Variants in TRPC5 observed in about 807,000 individuals in gnomAD.
TRPC5 encodes the protein short transient receptor potential channel 5.
Under a neutral mutation model 56.5 loss-of-function variants are expected in TRPC5, and 9 were observed. The observed-to-expected ratio is 0.16, with a 90% CI of 0.10 to 0.28. TRPC5 has a LOEUF of 0.28. TRPC5 is among the 10% of genes least tolerant of loss of function. TRPC5 has a pLI of 1.00. For synonymous variants in TRPC5, 282 were observed against 278.5 expected (o/e 1.01, Z -0.13); for missense variants, 469 against 748.9 (o/e 0.63, Z 4.36).
intron 1 of TRPC5, among the ~76,000 whole-genome samples, chrX:112,037,999 A>G (rs1380798392): frequency 8.9e-6 from 1 of 111,796 alleles, no homozygotes. Flanking sequence ...TATGCAATTA[A>G]AAATAAAGAT....
At chrX:111,795,775 G>T (rs1326240124) in intron 7 of TRPC5, among the ~76,000 whole-genome samples, 8 of 111,512 alleles carry the variant, frequency 7.2e-5, no homozygotes, top group African/African-American at 2.0e-4. Context: ...GTAAGATTTT[G>T]TCCATTATTT....
chrX:111,869,761 G>T (rs1488826382), intron 3 of TRPC5, among the ~76,000 whole-genome samples: 1 of 111,470 alleles, frequency 9.0e-6, no homozygotes, highest in Non-Finnish European at 1.9e-5. Context: ...CCATGAGATG[G>T]CAGCAGAGGG....
At chrX:111,791,019 CAAAAAAAAAAAAAAAAAAAA>C (rs753897017) in intron 7 of TRPC5, among the ~76,000 whole-genome samples, 3 of 9,293 alleles carry the variant, frequency 3.2e-4, no homozygotes, top group Non-Finnish European at 6.6e-4. Flanking sequence ...GACTCCATCT[CAAAAAAAAAAAAAAAAAAAA>C]AAAAAAAAAA....
intron 7 of TRPC5, among the ~76,000 whole-genome samples, chrX:111,806,486 A>G (rs911433416): frequency 1.8e-5 from 2 of 112,112 alleles, no homozygotes; most frequent in African/African-American, 6.5e-5. Context: ...GGCCTCCCTC[A>G]GTTCCTTGCC....
chrX:112,068,864 T>G (rs1454214743), intron 1 of TRPC5, among the ~76,000 whole-genome samples: 1 of 112,049 alleles, frequency 8.9e-6, no homozygotes, highest in African/African-American at 3.2e-5. Context: ...GGGAAATGAA[T>G]ACTATAGTAT....
At chrX:111,966,078 C>T (rs1191047834) in intron 1 of TRPC5, among the ~76,000 whole-genome samples, 10 of 111,290 alleles carry the variant, frequency 9.0e-5, no homozygotes, top group Admixed American at 2.9e-4. Context: ...TGATAGACTG[C>T]TAGCAAGACT....
In TRPC5 at chrX:111,914,641, G is replaced by A. The variant is rs188448426; in HGVS notation, c.379-1829C>T. On this transcript the variant is annotated intron_variant, in intron 2 of 10. Coordinates refer to ENST00000262839, the MANE Select transcript of TRPC5 (RefSeq NM_012471.3). ...TCATTAATGGCTAGGATGGAGCAGCGAGTAAACACTGTTAAACATTTAGAG... is the reference window on the plus strand; with the variant it reads ...TCATTAATGGCTAGGATGGAGCAGCAAGTAAACACTGTTAAACATTTAGAG... Among the ~76,000 whole-genome samples the A allele has an allele frequency of 2.5e-3, 284 of 112,316 alleles. 3 individuals are homozygous for A. Among genetic ancestry groups the A allele is most frequent in the African/African-American group, 8.8e-3 (272 of 30,940 alleles).
chrX:111,871,581 A>G (rs1466948924), intron 3 of TRPC5, among the ~76,000 whole-genome samples: 1 of 111,783 alleles, frequency 8.9e-6, no homozygotes, highest in African/African-American at 3.3e-5. Flanking sequence ...AAGAGAGTTA[A>G]TTAAATGCCT....
rs745641312 is a variant in TRPC5 at position 111,952,386 on chromosome X, G to C, written c.35C>G (p.Ser12Ter). ...CAGGGGGATGCGGTCTCTGTACGGT[G>C]AGTAGTTGACCTTTTTGTAGTACAG... is the stretch of plus-strand genomic sequence containing the variant. ...AQLYYKKVNY[S>*]PYRDRIPLQI... Residue 12 changes from serine (S) to a stop codon, truncating the protein, a stop_gained, in exon 2 of 11, where the codon TCA (serine) becomes TGA (stop). Transcript: ENST00000262839. LOFTEE classifies it high-confidence loss of function. The C allele has an allele frequency of 8.3e-7, 1 of 1,207,631 alleles. No homozygotes were observed. The highest frequency in any genetic ancestry group is 1.1e-6 in the Non-Finnish European group (1 of 894,221).
intron 3 of TRPC5, among the ~76,000 whole-genome samples, chrX:111,871,988 A>G (rs1456040760): frequency 9.0e-6 from 1 of 111,695 alleles, no homozygotes; most frequent in East Asian, 2.8e-4. Flanking sequence ...GAGTTGTGAT[A>G]AGGCCAGGAT....
chrX:111,892,648 G>A (rs190974466), intron 3 of TRPC5, among the ~76,000 whole-genome samples: 1 of 111,881 alleles, frequency 8.9e-6, no homozygotes, highest in Non-Finnish European at 1.9e-5. Context: ...ATTGTTCTTA[G>A]GTCTCCTGAA....
chrX:111,952,930 A>G (rs1406825656), intron 1 of TRPC5, among the ~76,000 whole-genome samples: 1 of 111,751 alleles, frequency 8.9e-6, no homozygotes, highest in African/African-American at 3.3e-5. Context: ...CTGGTGCCTG[A>G]AAATATTCAT....
chrX:112,057,228 G>A (rs1176373400), intron 1 of TRPC5, among the ~76,000 whole-genome samples: 6 of 111,576 alleles, frequency 5.4e-5, no homozygotes, highest in Non-Finnish European at 9.4e-5. Flanking sequence ...GGAAATGTGG[G>A]CAGATAGGCA....
rs148043753 is a variant in TRPC5, at chrX:111,912,594, G to A, written c.597C>T (p.Ile199=). The change falls in exon 3 of 11, where the codon ATC becomes ATT. Residue 199 remains isoleucine (I), a synonymous_variant. Coordinates refer to ENST00000262839, the MANE Select transcript of TRPC5 (RefSeq NM_012471.3). ...GTGAGGGGCTTGCCAGAGCCTTATA[G>A]ATGTTCAGTCGGGAGCGAGAGTGGC... ...SLRHSRSRLN[I]YKALASPSLI... 1.5e-4 allele frequency: 178 copies of A among 1,209,845 alleles called. 1 individual carries two copies. In the African/African-American group the frequency reaches 3.0e-3, roughly 21 times the overall value.
chrX:111,971,730 C>T (rs1927790711), intron 1 of TRPC5, among the ~76,000 whole-genome samples: 1 of 111,815 alleles, frequency 8.9e-6, no homozygotes, highest in Admixed American at 9.5e-5. Flanking sequence ...TCTCTATTGC[C>T]TGTTAATGAT....
In TRPC5 at chrX:111,774,013, A is replaced by G. The variant is rs1004018122; in HGVS notation, c.*2300T>C. Among the ~76,000 whole-genome samples, 6 of 111,827 alleles carry G rather than the reference A, an allele frequency of 5.4e-5. No homozygotes were observed. Among genetic ancestry groups the G allele is most frequent in the African/African-American group, 1.9e-4 (6 of 30,770 alleles). On this transcript the variant is annotated 3_prime_UTR_variant, in exon 11 of 11. Coordinates refer to ENST00000262839, the MANE Select transcript of TRPC5 (RefSeq NM_012471.3). ...CCCATCCTAAATGAGGCTTCACTAT[A>G]GCTAGTAAAGTCTTAAGCCCAAGTC...
At chrX:111,800,701 C>T (rs1374315461) in intron 7 of TRPC5, among the ~76,000 whole-genome samples, 1 of 109,612 alleles carries the variant, frequency 9.1e-6, no homozygotes, top group Non-Finnish European at 1.9e-5. Context: ...TTGCAGTGAG[C>T]CGAGATCATG....
intron 2 of TRPC5, among the ~76,000 whole-genome samples, chrX:111,915,168 A>G (rs1925938242): frequency 9.0e-6 from 1 of 111,416 alleles, no homozygotes; most frequent in Non-Finnish European, 1.9e-5. Context: ...TCCAATACAC[A>G]CAGCAGTACC....
At chrX:111,909,032 C>T (rs145257522) in intron 3 of TRPC5, among the ~76,000 whole-genome samples, 2,548 of 109,863 alleles carry the variant, frequency 0.023, 37 homozygotes, top group Middle Eastern at 0.099. Flanking sequence ...GCCTGTAATC[C>T]CAGCACTTTG....
Sources: allele counts gnomAD v4.1 joint callset (sites outside exome capture counted in the v4.1 genomes callset), GRCh38; gene constraint gnomAD v4.1.1; transcripts MANE v1.5; gene names NCBI Gene and HGNC (gene_info 2026-07-23, HGNC 2026-07-21).